TXNRD2: variants seen among roughly 807,000 people sequenced by gnomAD.
The protein encoded by TXNRD2 is thioredoxin reductase 2, mitochondrial.
In TXNRD2, 67 loss-of-function variants were observed where a neutral mutation model predicts 70.8. The ratio of observed to expected loss-of-function variants is 0.95; its 90% CI spans 0.78 to 1.16. The LOEUF is 1.16. TXNRD2 is among the 50% of genes most tolerant of loss of function. The pLI is 0.00. For missense variants in TXNRD2, 644 were observed against 719.9 expected (o/e 0.89, Z 1.21); for synonymous variants, 301 against 295.8 (o/e 1.02, Z -0.18).
At chr22:19,918,114 C>T (rs367911033) in intron 5 of TXNRD2, 29 bp downstream of exon 5, 175 of 1,601,570 alleles carry the variant, frequency 1.1e-4, no homozygotes, top group Middle Eastern at 8.9e-4. Flanking sequence ...GCCCAGAGGG[C>T]GGCCCATTCC....
rs998441014 is a variant in TXNRD2, at chr22:19,875,746, T to A, written c.*127A>T. On this transcript the variant is annotated 3_prime_UTR_variant, in exon 18 of 18. Transcript: ENST00000400521. ...CCTGTCCAGCACTTGCGCTCCACGC[T>A]GACCATCTCACAGGCGCTCCAGGAG... 2 of 152,446 alleles carry A rather than the reference T, an allele frequency of 1.3e-5. No homozygotes were observed. The highest frequency in any genetic ancestry group is 2.9e-5 in the Non-Finnish European group (2 of 68,266). 9.4% of individuals were successfully genotyped at this position (152,446 alleles called of 1,614,324 possible).
intron 16 of TXNRD2, among the ~76,000 whole-genome samples, chr22:19,877,464 T>C (rs1189137107): frequency 6.6e-6 from 1 of 152,116 alleles, no homozygotes. Context: ...CGCCCTGGCT[T>C]GCCCTGGCCT....
chr22:19,881,844 G>A (rs984754171), intron 12 of TXNRD2, among the ~76,000 whole-genome samples: 1 of 152,252 alleles, frequency 6.6e-6, no homozygotes, highest in African/African-American at 2.4e-5. Context: ...TAAGCAAGCT[G>A]GGGCTGCAGG....
chr22:19,887,012 G>A (rs551483894), intron 11 of TXNRD2, among the ~76,000 whole-genome samples: 9 of 152,174 alleles, frequency 5.9e-5, no homozygotes, highest in African/African-American at 1.4e-4. Context: ...TGGGGCAGGC[G>A]GCGCACAGCA....
chr22:19,896,067 G>A (rs1255344903), intron 10 of TXNRD2, among the ~76,000 whole-genome samples: 5 of 151,902 alleles, frequency 3.3e-5, no homozygotes, highest in African/African-American at 1.2e-4. Flanking sequence ...AGAAGCTGAG[G>A]CGGGCGGATC....
At chr22:19,915,655 C>A in intron 6 of TXNRD2, 110 bp downstream of exon 6, 1 of 993,448 alleles carries the variant, frequency 1.0e-6, no homozygotes. Context: ...TTTTTGATTC[C>A]AGCAGCACGT....
chr22:19,931,201 G>A lies in TXNRD2; in HGVS notation c.104-103C>T, dbSNP rs1941347392. On this transcript the variant is annotated intron_variant, in intron 1 of 17. Coordinates refer to ENST00000400521, the MANE Select transcript of TXNRD2 (RefSeq NM_006440.5). Reference sequence around the variant, plus strand: ...ACACTCCATTCTGTGATGGTCAGGGGTGACAAGACACCACACAACAGAGCA... The same window carrying A: ...ACACTCCATTCTGTGATGGTCAGGGATGACAAGACACCACACAACAGAGCA... 1.4e-5 allele frequency: 14 copies of A among 1,021,042 alleles called. No homozygotes were observed. In the South Asian group the frequency reaches 1.7e-4, roughly 12 times the overall value. 63.2% of individuals were successfully genotyped at this position (1,021,042 alleles called of 1,614,324 possible). A position where few individuals can be genotyped will look rare whatever the true frequency, so the allele number is the denominator to read the frequency against.
chr22:19,932,037 T>C (rs1393496947), intron 1 of TXNRD2, among the ~76,000 whole-genome samples: 2 of 151,014 alleles, frequency 1.3e-5, no homozygotes, highest in Non-Finnish European at 2.9e-5. Context: ...GGTGGGCGCC[T>C]GTAGTCCCAG....
chr22:19,915,055 G>A, intron 7 of TXNRD2, 159 bp downstream of exon 7: 1 of 729,858 alleles, frequency 1.4e-6, no homozygotes, highest in Non-Finnish European at 2.4e-6. Flanking sequence ...CAGCAGTGTG[G>A]ATTCAAGAGA....
intron 1 of TXNRD2, chr22:19,937,925 TTG>T (rs1426386752): frequency 6.6e-6 from 1 of 152,168 alleles, no homozygotes; most frequent in Admixed American, 6.5e-5. Context: ...CAGACCAATG[TTG>T]TGTTTTTGCG....
chr22:19,929,576 T>C lies in TXNRD2; in HGVS notation c.172+1454A>G, dbSNP rs1321129362. On this transcript the variant is annotated intron_variant, in intron 2 of 17. Coordinates refer to ENST00000400521, the MANE Select transcript of TXNRD2 (RefSeq NM_006440.5). ...ACAGGTAGAGATTAGGACATAGACA[T>C]GCACAGAGGGACGACAACTGCCATC... is the stretch of plus-strand genomic sequence containing the variant. Among the ~76,000 whole-genome samples the C allele has an allele frequency of 2.6e-5, 4 of 152,168 alleles. No homozygotes were observed. The South Asian group carries it at 6.2e-4, about 24-fold the overall frequency.
intron 11 of TXNRD2, among the ~76,000 whole-genome samples, chr22:19,890,883 G>A (rs1325326615): frequency 6.6e-6 from 1 of 152,182 alleles, no homozygotes; most frequent in Non-Finnish European, 1.5e-5. Context: ...AGGAGCCCAG[G>A]GCTGCAGCCC....
At chr22:19,909,789 ACACACCACT>A (rs1569093545) in intron 8 of TXNRD2, among the ~76,000 whole-genome samples, 5 of 126,792 alleles carry the variant, frequency 3.9e-5, no homozygotes, top group South Asian at 5.3e-4. Flanking sequence ...CACACCACAC[ACACACCACT>A]CACACACACC....
At chr22:19,901,008 G>A (rs1939751637) in intron 8 of TXNRD2, among the ~76,000 whole-genome samples, 1 of 152,218 alleles carries the variant, frequency 6.6e-6, no homozygotes, top group Non-Finnish European at 1.5e-5. Flanking sequence ...TCCTGGCCCT[G>A]AAGGCCAACC....
At chr22:19,921,756 A>T (rs1274270572) in intron 2 of TXNRD2, among the ~76,000 whole-genome samples, 2 of 152,180 alleles carry the variant, frequency 1.3e-5, no homozygotes, top group African/African-American at 4.8e-5. Flanking sequence ...AGAATCTGAG[A>T]GATCTGATCG....
intron 9 of TXNRD2, 28 bp from the exon 10 acceptor site, chr22:19,898,158 T>C: frequency 6.5e-7 from 1 of 1,547,724 alleles, no homozygotes. Context: ...AGGAGCACTG[T>C]AGATCCCAAT....
intron 8 of TXNRD2, among the ~76,000 whole-genome samples, chr22:19,905,174 G>A (rs1303100524): frequency 6.6e-6 from 1 of 152,024 alleles, no homozygotes; most frequent in African/African-American, 2.4e-5. Context: ...CAGAAGCATC[G>A]TACAGGGATA....
At chr22:19,909,855 C>T (rs1375994518) in intron 8 of TXNRD2, among the ~76,000 whole-genome samples, 1 of 106,080 alleles carries the variant, frequency 9.4e-6, no homozygotes, top group Non-Finnish European at 1.8e-5. Flanking sequence ...CCTTCACACA[C>T]ACACCACACA....
At chr22:19,924,365 C>T (rs1170853653) in intron 2 of TXNRD2, among the ~76,000 whole-genome samples, 1 of 152,120 alleles carries the variant, frequency 6.6e-6, no homozygotes, top group East Asian at 1.9e-4. Context: ...GATTCCACCA[C>T]CCCCCGCACC....
Sources: allele counts gnomAD v4.1 joint callset (sites outside exome capture counted in the v4.1 genomes callset), GRCh38; gene constraint gnomAD v4.1.1; transcripts MANE v1.5; gene names NCBI Gene and HGNC (gene_info 2026-07-23, HGNC 2026-07-21).